Variants in ADGRV1 observed in about 807,000 individuals in gnomAD.
ADGRV1 encodes the protein adhesion G protein-coupled receptor V1.
A neutral mutation model predicts 596.2 loss-of-function variants in ADGRV1; 359 were observed. That is an observed-to-expected ratio of 0.60 (90% confidence interval 0.55 to 0.66). The LOEUF is 0.66. Ranked by LOEUF, ADGRV1 falls within the 30% of genes least tolerant of loss-of-function variation. ADGRV1 has a pLI of 0.00. For synonymous variants in ADGRV1, 2,681 were observed against 2,679.2 expected, an observed-to-expected ratio of 1.00 and a Z score of -0.02; for missense variants, 7,274 against 7,575.6, an observed-to-expected ratio of 0.96 and a Z score of 1.48.
At chr5:91,058,380 T>C (rs2151336239) in intron 85 of ADGRV1, among the ~76,000 whole-genome samples, 2 of 152,252 alleles carry the variant, frequency 1.3e-5, no homozygotes, top group Middle Eastern at 6.8e-3. Context: ...CACTGAGATC[T>C]TCCAGCAGTC....
intron 70 of ADGRV1, among the ~76,000 whole-genome samples, chr5:90,794,854 C>T (rs114651485): frequency 0.066 from 10,014 of 151,980 alleles, 710 homozygotes; most frequent in East Asian, 0.28. Context: ...GGTAGGGTGA[C>T]GCCTCACCTG....
At chr5:90,962,625 A>C (rs1778129494) in intron 83 of ADGRV1, among the ~76,000 whole-genome samples, 1 of 152,176 alleles carries the variant, frequency 6.6e-6, no homozygotes, top group South Asian at 2.1e-4. Context: ...GGTCACATTT[A>C]ATACCTAGTT....
chr5:90,885,291 C>T (rs1335018396), intron 83 of ADGRV1, among the ~76,000 whole-genome samples: 1 of 152,142 alleles, frequency 6.6e-6, no homozygotes, highest in Non-Finnish European at 1.5e-5. Flanking sequence ...TCTTGGCAGT[C>T]TTTCTAAAGG....
intron 5 of ADGRV1, among the ~76,000 whole-genome samples, chr5:90,624,526 AT>A (rs1764489807): frequency 6.6e-6 from 1 of 152,150 alleles, no homozygotes; most frequent in Non-Finnish European, 1.5e-5. Context: ...CTGCATACGT[AT>A]AGCACCCCTC....
intron 83 of ADGRV1, among the ~76,000 whole-genome samples, chr5:90,868,793 T>G (rs1188966876): frequency 6.6e-6 from 1 of 152,092 alleles, no homozygotes; most frequent in Non-Finnish European, 1.5e-5. Flanking sequence ...GAATATACAT[T>G]TAAGTTGAAT....
chr5:90,965,560 C>T (rs1778379616), intron 84 of ADGRV1, 29 bp downstream of exon 84: 1 of 1,306,370 alleles, frequency 7.7e-7, no homozygotes, highest in Non-Finnish European at 1.1e-6. Flanking sequence ...CTCCCCGCCC[C>T]TTTAATCTTT....
chr5:90,585,081 T>C (rs1464593021), intron 1 of ADGRV1, among the ~76,000 whole-genome samples: 1 of 152,232 alleles, frequency 6.6e-6, no homozygotes, highest in Admixed American at 6.5e-5. Context: ...ATTCATACTT[T>C]TGTTTTACAC....
At chr5:90,624,105 T>A (rs760325920) in intron 5 of ADGRV1, among the ~76,000 whole-genome samples, 1 of 152,088 alleles carries the variant, frequency 6.6e-6, no homozygotes, top group Non-Finnish European at 1.5e-5. Context: ...CATAGAAGAG[T>A]TCTGTTCATG....
intron 42 of ADGRV1, among the ~76,000 whole-genome samples, chr5:90,715,648 T>TAAA (rs1749994398): frequency 1.1e-5 from 1 of 92,932 alleles, no homozygotes; most frequent in African/African-American, 5.5e-5. Flanking sequence ...GAATAAGGTC[T>TAAA]ACTTTTCTTT....
chr5:90,623,594 G>A (rs1764367216), intron 5 of ADGRV1, among the ~76,000 whole-genome samples: 1 of 151,894 alleles, frequency 6.6e-6, no homozygotes, highest in African/African-American at 2.4e-5. Context: ...AATGTTTTTT[G>A]TAGAGATGAA....
chr5:90,562,890 G>C (rs1755047610), intron 1 of ADGRV1, among the ~76,000 whole-genome samples: 1 of 152,036 alleles, frequency 6.6e-6, no homozygotes, highest in Non-Finnish European at 1.5e-5. Context: ...TATGTTTTCT[G>C]GTTATTTTAA....
At chr5:90,889,159 C>A (rs758298425) in intron 83 of ADGRV1, among the ~76,000 whole-genome samples, 4 of 146,606 alleles carry the variant, frequency 2.7e-5, no homozygotes, top group African/African-American at 4.9e-5. Context: ...ATTTAATATA[C>A]CCCCACTTGT....
In ADGRV1 at chr5:90,928,289, C is replaced by T. The variant is rs1406175150; in HGVS notation, c.17857-37126C>T. ...TACACCAATCAGACGTAGATTTGGT[C>T]TTTTCACATAGTCTCATATTTCTTG... On this transcript the variant is annotated intron_variant, in intron 83 of 89. Coordinates refer to ENST00000405460, the MANE Select transcript of ADGRV1 (RefSeq NM_032119.4). Among the ~76,000 whole-genome samples the T allele has an allele frequency of 2.4e-4, 37 of 152,220 alleles. No individual in the cohort carries two copies. The South Asian group carries it at 5.8e-3, about 24-fold the overall frequency.
At position 90,658,644 on chromosome 5, in the gene ADGRV1, G is replaced by A. The variant is rs992124896; in HGVS notation, c.4752+366G>A. Among the ~76,000 whole-genome samples the A allele has an allele frequency of 6.0e-5, 9 of 149,096 alleles. No homozygotes were observed. In the East Asian group the frequency reaches 7.9e-4, roughly 13 times the overall value. On this transcript the variant is annotated intron_variant, in intron 21 of 89. Transcript: ENST00000405460. The stretch of plus-strand genomic sequence containing the variant: ...ATATTGAAGGCTTGTATGAATAATT[G>A]TATTTGCAACTTTATTAAAATATGA...
intron 52 of ADGRV1, 119 bp downstream of exon 52, chr5:90,745,914 TCC>T (rs1439280466): frequency 3.2e-6 from 2 of 629,134 alleles, no homozygotes; most frequent in Admixed American, 5.7e-5. Flanking sequence ...CTCTCTCCCT[TCC>T]CTTTCCCCTG....
At chr5:90,704,594 T>A in intron 36 of ADGRV1, 106 bp downstream of exon 36, 1 of 653,018 alleles carries the variant, frequency 1.5e-6, no homozygotes, top group Non-Finnish European at 2.6e-6. Context: ...ATTTTTAAAA[T>A]GTTACTTTAT....
chr5:90,981,418 A>T (rs1780067365), intron 84 of ADGRV1, among the ~76,000 whole-genome samples: 1 of 152,110 alleles, frequency 6.6e-6, no homozygotes, highest in South Asian at 2.1e-4. Context: ...TAGCTTAGTG[A>T]TTTGGGGGCC....
At chr5:90,909,706 C>T (rs529530791) in intron 83 of ADGRV1, among the ~76,000 whole-genome samples, 3 of 152,100 alleles carry the variant, frequency 2.0e-5, no homozygotes, top group African/African-American at 7.2e-5. Context: ...GTTTATATTT[C>T]GTTCTCTAGG....
At chr5:91,082,822 T>C (rs1378337329) in intron 86 of ADGRV1, among the ~76,000 whole-genome samples, 1 of 152,186 alleles carries the variant, frequency 6.6e-6, no homozygotes, top group African/African-American at 2.4e-5. Context: ...TACCTGTATT[T>C]CCATTCTTGG....
Sources: allele counts gnomAD v4.1 joint callset (sites outside exome capture counted in the v4.1 genomes callset), GRCh38; gene constraint gnomAD v4.1.1; transcripts MANE v1.5; gene names NCBI Gene and HGNC (gene_info 2026-07-23, HGNC 2026-07-21).